The following WDR27 variants were observed in gnomAD, a reference collection of about 807,000 sequenced individuals.
The protein encoded by WDR27 is WD repeat domain 27, also known as WD repeat-containing protein 27.
In WDR27, 100 loss-of-function variants were observed where a neutral mutation model predicts 114.4. The ratio of observed to expected loss-of-function variants is 0.87; its 90% CI spans 0.74 to 1.03. The LOEUF (loss-of-function observed/expected upper bound fraction) is 1.03, where lower values mean the gene tolerates loss of function less well. Among genes scored for constraint, WDR27 ranks in the 50% least tolerant of loss-of-function variants. WDR27 has a pLI of 0.00. For missense variants in WDR27, 1,129 were observed against 1,092.9 expected (o/e 1.03, Z -0.47); for synonymous variants, 449 against 423.1 (o/e 1.06, Z -0.75).
intron 17 of WDR27, 49 bp from the exon 18 acceptor site, chr6:169,638,709 T>C: frequency 1.9e-6 from 3 of 1,556,378 alleles, no homozygotes; most frequent in South Asian, 1.2e-5. Context: ...TTAATATCAG[T>C]TTTGACTGAG....
At chr6:169,633,443 C>A (rs1446072960) in intron 20 of WDR27, among the ~76,000 whole-genome samples, 1 of 152,200 alleles carries the variant, frequency 6.6e-6, no homozygotes, top group Non-Finnish European at 1.5e-5. Context: ...AAGGGCTGGA[C>A]TAAGATTAGA....
intron 24 of WDR27, among the ~76,000 whole-genome samples, chr6:169,574,921 A>G (rs1238814946): frequency 6.6e-6 from 1 of 152,168 alleles, no homozygotes; most frequent in East Asian, 1.9e-4. Flanking sequence ...GCATCATGCA[A>G]TCCATCGAAT....
At chr6:169,537,243 C>T (rs1320938688) in intron 25 of WDR27, among the ~76,000 whole-genome samples, 1 of 152,106 alleles carries the variant, frequency 6.6e-6, no homozygotes, top group Non-Finnish European at 1.5e-5. Flanking sequence ...AGCTTATGCT[C>T]TTCAGGGAGG....
chr6:169,516,457 CA>C (rs1191530799), intron 25 of WDR27, among the ~76,000 whole-genome samples: 2 of 152,094 alleles, frequency 1.3e-5, no homozygotes, highest in African/African-American at 4.8e-5. Context: ...AGAACTCCTC[CA>C]GAACTCCTCC....
At chr6:169,588,879 A>AT (rs1314002001) in intron 23 of WDR27, among the ~76,000 whole-genome samples, 2 of 152,242 alleles carry the variant, frequency 1.3e-5, no homozygotes, top group African/African-American at 2.4e-5. Flanking sequence ...TGAAATCTCC[A>AT]TTTTTTTATT....
chr6:169,518,598 G>A (rs1793976820), intron 25 of WDR27, among the ~76,000 whole-genome samples: 1 of 152,234 alleles, frequency 6.6e-6, no homozygotes, highest in Admixed American at 6.5e-5. Flanking sequence ...CTAGCCCATG[G>A]AATCATTCTT....
intron 2 of WDR27, among the ~76,000 whole-genome samples, chr6:169,688,355 C>T (rs1272042537): frequency 2.6e-5 from 4 of 152,014 alleles, no homozygotes; most frequent in Non-Finnish European, 5.9e-5. Context: ...ATAGTGTTGC[C>T]TTTTGGGGAG....
chr6:169,526,904 G>T (rs796302909), intron 25 of WDR27, among the ~76,000 whole-genome samples: 1 of 152,124 alleles, frequency 6.6e-6, no homozygotes, highest in Non-Finnish European at 1.5e-5. Context: ...CACATGAAAA[G>T]ATATTCAACA....
At chr6:169,558,479 G>A (rs1284369531) in intron 25 of WDR27, 2 of 152,188 alleles carry the variant, frequency 1.3e-5, no homozygotes, top group African/African-American at 4.8e-5. Context: ...GCTGCTGGAT[G>A]TGGGTCTTGC....
intron 25 of WDR27, among the ~76,000 whole-genome samples, chr6:169,543,717 A>T (rs1016393567): frequency 2.6e-5 from 4 of 152,112 alleles, no homozygotes; most frequent in African/African-American, 9.7e-5. Flanking sequence ...AGATAATTTG[A>T]ATATTCTTTT....
intron 25 of WDR27, among the ~76,000 whole-genome samples, chr6:169,503,665 A>G (rs1791625931): frequency 6.6e-6 from 1 of 152,198 alleles, no homozygotes; most frequent in Non-Finnish European, 1.5e-5. Flanking sequence ...TTTTCAGTAC[A>G]TGTGGCTTCC....
chr6:169,452,581 G>A (rs563344577), downstream of WDR27, among the ~76,000 whole-genome samples: 1 of 99,544 alleles, frequency 1.0e-5, no homozygotes, highest in East Asian at 2.6e-4. Flanking sequence ...GAGAGGAGCC[G>A]TGCGTGGGGT....
chr6:169,700,719 A>G (rs917126481), intron 1 of WDR27, among the ~76,000 whole-genome samples: 2 of 152,254 alleles, frequency 1.3e-5, no homozygotes, highest in African/African-American at 4.8e-5. Context: ...GAATTGCTAC[A>G]GCACTTAACC....
intron 22 of WDR27, among the ~76,000 whole-genome samples, chr6:169,602,617 A>G (rs979136999): frequency 3.9e-5 from 6 of 152,150 alleles, no homozygotes; most frequent in African/African-American, 1.2e-4. Context: ...TTAAATATCA[A>G]AACAAACTTA....
At chr6:169,649,425 T>C in intron 14 of WDR27, 150 bp from the exon 15 acceptor site, 2 of 639,122 alleles carry the variant, frequency 3.1e-6, no homozygotes, top group Non-Finnish European at 2.8e-6. Flanking sequence ...CCTCCAGCCC[T>C]TAAGTCACCT....
At chr6:169,532,141 ATAAT>A (rs1183979641) in intron 25 of WDR27, among the ~76,000 whole-genome samples, 1 of 152,150 alleles carries the variant, frequency 6.6e-6, no homozygotes, top group African/African-American at 2.4e-5. Flanking sequence ...AAATTTTTGA[ATAAT>A]TATTTGAAGA....
chr6:169,500,444 C>G (rs1461042825), intron 25 of WDR27, among the ~76,000 whole-genome samples: 1 of 152,156 alleles, frequency 6.6e-6, no homozygotes, highest in Non-Finnish European at 1.5e-5. Flanking sequence ...TCTGTTTTCT[C>G]TTATCAAGGA....
chr6:169,693,179 T>A (rs1303078440), intron 1 of WDR27, among the ~76,000 whole-genome samples: 2 of 152,122 alleles, frequency 1.3e-5, no homozygotes, highest in Non-Finnish European at 2.9e-5. Flanking sequence ...GGGATTGGGG[T>A]CATATCTTTA....
At chr6:169,498,268 G>T (rs1790663468) in intron 25 of WDR27, among the ~76,000 whole-genome samples, 1 of 152,104 alleles carries the variant, frequency 6.6e-6, no homozygotes, top group African/African-American at 2.4e-5. Context: ...ATTCTGGAGT[G>T]GTGGTTTACA....
Sources: gnomAD v4.1 joint callset for allele counts (sites outside exome capture counted in the v4.1 genomes callset) on GRCh38, gnomAD v4.1.1 for gene constraint, MANE v1.5 for transcripts, NCBI Gene and HGNC (gene_info 2026-07-23, HGNC 2026-07-21) for gene names.